CAMK4: variants seen among roughly 807,000 people sequenced by gnomAD.
The protein encoded by CAMK4 is calcium/calmodulin dependent protein kinase IV.
CAMK4 carries 22 observed loss-of-function variants against 44.9 expected under a neutral mutation model. The observed-to-expected ratio is 0.49, with a 90% confidence interval of 0.35 to 0.70. The LOEUF is 0.70. Among genes scored for constraint, CAMK4 ranks in the 30% least tolerant of loss-of-function variants. CAMK4 has a pLI of 0.01. For missense variants in CAMK4, 498 were observed against 586.8 expected, an observed-to-expected ratio of 0.85 and a Z score of 1.56; for synonymous variants, 218 against 215.4, an observed-to-expected ratio of 1.01 and a Z score of -0.11.
At chr5:111,396,420 C>A (rs1752009838) in intron 5 of CAMK4, among the ~76,000 whole-genome samples, 1 of 151,962 alleles carries the variant, frequency 6.6e-6, no homozygotes, top group African/African-American at 2.4e-5. Flanking sequence ...TCACACATAA[C>A]ATATTTACCA....
chr5:111,246,260 C>T (rs753455618), intron 1 of CAMK4, among the ~76,000 whole-genome samples: 3 of 152,258 alleles, frequency 2.0e-5, no homozygotes, highest in Non-Finnish European at 2.9e-5. Context: ...CTTTTTCTTT[C>T]GCCACTGCCC....
At chr5:111,444,594 AT>A (rs1285493556) in intron 5 of CAMK4, among the ~76,000 whole-genome samples, 1 of 152,110 alleles carries the variant, frequency 6.6e-6, no homozygotes, top group Non-Finnish European at 1.5e-5. Context: ...CCCTCTCTGC[AT>A]TCTCTTGCTG....
At chr5:111,229,024 A>G (rs1748334466) in intron 1 of CAMK4, among the ~76,000 whole-genome samples, 1 of 152,232 alleles carries the variant, frequency 6.6e-6, no homozygotes, top group Admixed American at 6.5e-5. Context: ...GGTAACATGT[A>G]TTCTGGCTCC....
intron 7 of CAMK4, among the ~76,000 whole-genome samples, chr5:111,458,915 C>T (rs981199665): frequency 6.6e-6 from 1 of 152,052 alleles, no homozygotes; most frequent in Admixed American, 6.6e-5. Context: ...GAGGGGATAA[C>T]TAACAACTGA....
chr5:111,248,968 G>T (rs1468464450), intron 1 of CAMK4, among the ~76,000 whole-genome samples: 1 of 148,310 alleles, frequency 6.7e-6, no homozygotes, highest in Non-Finnish European at 1.5e-5. Flanking sequence ...GGGGCGGTGT[G>T]TGGGGGGGTC....
intron 4 of CAMK4, among the ~76,000 whole-genome samples, chr5:111,385,258 A>G (rs969044478): frequency 6.6e-5 from 10 of 152,144 alleles, no homozygotes; most frequent in African/African-American, 2.4e-4. Flanking sequence ...AAGTGCTATA[A>G]TTAGGGCATA....
At chr5:111,407,282 C>A (rs1379054284) in intron 5 of CAMK4, among the ~76,000 whole-genome samples, 1 of 149,942 alleles carries the variant, frequency 6.7e-6, no homozygotes, top group African/African-American at 2.5e-5. Flanking sequence ...ACCTGGGAGG[C>A]GGAGGTTGCA....
chr5:111,396,024 A>G (rs1419235794), intron 5 of CAMK4, among the ~76,000 whole-genome samples: 5 of 152,130 alleles, frequency 3.3e-5, no homozygotes, highest in African/African-American at 1.2e-4. Context: ...TATGAGTTTT[A>G]CCCACATCAA....
chr5:111,370,560 C>A (rs445304), intron 2 of CAMK4, among the ~76,000 whole-genome samples: 133,454 of 152,114 alleles, frequency 0.88, 58,767 homozygotes, highest in East Asian at 1. Flanking sequence ...TTTAGGAACA[C>A]CTATGTCCTT....
At chr5:111,408,212 C>G (rs990048385) in intron 5 of CAMK4, among the ~76,000 whole-genome samples, 1 of 152,102 alleles carries the variant, frequency 6.6e-6, no homozygotes, top group African/African-American at 2.4e-5. Context: ...ATAAGTGTTT[C>G]CCTCTAAGGA....
intron 9 of CAMK4, among the ~76,000 whole-genome samples, chr5:111,480,676 C>T (rs992366933): frequency 8.5e-5 from 13 of 152,068 alleles, no homozygotes; most frequent in Admixed American, 8.5e-4. Context: ...ATGATCTAAC[C>T]TTGCTATGCT....
Position 111,484,496 on chromosome 5 carries a change from AC to A in CAMK4, c.*32del. 1.4e-6 allele frequency: 2 copies of A among 1,413,148 alleles called. No homozygotes were observed. Among genetic ancestry groups the A allele is most frequent in the Non-Finnish European group, 1.9e-6 (2 of 1,052,738 alleles). 87.5% of individuals were successfully genotyped at this position (1,413,148 alleles called of 1,614,324 possible). ...CTTCCTTCAGATCTGGAAGCCAAAC[AC>A]CGGCATTTTATGTACTTTGTCCTTC... is the stretch of plus-strand genomic sequence containing the variant. On this transcript the variant is annotated 3_prime_UTR_variant, in exon 11 of 11. Transcript: ENST00000282356. This position sits in a 1 kb window ranked among gnomAD's most constrained non-coding sequence, Gnocchi z 5.3.
At chr5:111,274,506 A>T (rs569695275) in intron 1 of CAMK4, among the ~76,000 whole-genome samples, 1 of 152,176 alleles carries the variant, frequency 6.6e-6, no homozygotes, top group Non-Finnish European at 1.5e-5. Context: ...TTTCTGATGG[A>T]CATTTGTTTC....
intron 7 of CAMK4, among the ~76,000 whole-genome samples, chr5:111,462,598 G>A (rs1189187319): frequency 6.6e-6 from 1 of 152,130 alleles, no homozygotes; most frequent in Non-Finnish European, 1.5e-5. Context: ...GATGAAGAAT[G>A]CCACTCTGTA....
At chr5:111,363,090 C>T (rs1302700656) in intron 2 of CAMK4, among the ~76,000 whole-genome samples, 3 of 152,044 alleles carry the variant, frequency 2.0e-5, no homozygotes, top group Non-Finnish European at 4.4e-5. Flanking sequence ...GAAGAGTGAG[C>T]AGGAGTATCA....
At chr5:111,397,649 CTGTGTGTG>C (rs3066726) in intron 5 of CAMK4, among the ~76,000 whole-genome samples, 20 of 88,566 alleles carry the variant, frequency 2.3e-4, no homozygotes, top group African/African-American at 8.1e-4. Context: ...AGTCAGCATG[CTGTGTGTG>C]TGTGTGTGTG....
In CAMK4 at chr5:111,390,834, G is replaced by A. The variant is rs545815033; in HGVS notation, c.387-3876G>A. Among the ~76,000 whole-genome samples the A allele has an allele frequency of 3.9e-5, 6 of 152,274 alleles. No individual in the cohort carries two copies. The South Asian group carries it at 1.2e-3, about 32-fold the overall frequency. On this transcript the variant is annotated intron_variant, in intron 4 of 10. Coordinates refer to ENST00000282356, the MANE Select transcript of CAMK4 (RefSeq NM_001744.6). ...TATCCCCATGAAGCCTAACATACAA[G>A]TGAGTGAGGACCAACTAATGACAAC...
Position 111,478,390 on chromosome 5 carries a change from A to C in CAMK4, c.711A>C (p.Gly237=). Residue 237 remains glycine (G), a synonymous_variant, in exon 9 of 11, where the codon GGA becomes GGC. Coordinates refer to ENST00000282356, the MANE Select transcript of CAMK4 (RefSeq NM_001744.6). ...TATTTTATTCCTCTAGACTTTGTGG[A>C]TTTGAACCATTCTATGATGAAAGAG... ...VGIITYILLC[G]FEPFYDERGD... The C allele has an allele frequency of 6.4e-7, 1 of 1,568,964 alleles. No homozygotes were observed. Among genetic ancestry groups the C allele is most frequent in the Admixed American group, 1.7e-5 (1 of 57,908 alleles).
chr5:111,239,010 T>G (rs1748871082), intron 1 of CAMK4, among the ~76,000 whole-genome samples: 1 of 151,600 alleles, frequency 6.6e-6, no homozygotes, highest in South Asian at 2.1e-4. Flanking sequence ...CAGCTCCTGG[T>G]ACATTATTTC....
Sources: gnomAD v4.1 joint callset for allele counts (sites outside exome capture counted in the v4.1 genomes callset) on GRCh38, gnomAD v4.1.1 for gene constraint, Gnocchi (gnomAD v3.1) non-coding constraint, MANE v1.5 for transcripts, NCBI Gene and HGNC (gene_info 2026-07-23, HGNC 2026-07-21) for gene names.